The following NRXN3 variants were observed in gnomAD, a reference collection of about 807,000 sequenced individuals.
NRXN3 encodes neurexin 3.
NRXN3 carries 32 observed loss-of-function variants against 137.6 expected under a neutral mutation model. The ratio of observed to expected loss-of-function variants is 0.23; its 90% CI spans 0.18 to 0.31. NRXN3 has a LOEUF of 0.31. Ranked by LOEUF, NRXN3 falls within the 10% of genes least tolerant of loss-of-function variation. NRXN3 has a pLI of 1.00. For missense variants in NRXN3, 1,574 were observed against 2,062.5 expected, an observed-to-expected ratio of 0.76 and a Z score of 4.59; for synonymous variants, 798 against 784.5, an observed-to-expected ratio of 1.02 and a Z score of -0.29.
intron 4 of NRXN3, among the ~76,000 whole-genome samples, chr14:78,587,531 A>G (rs112495125): frequency 1.3e-5 from 2 of 152,192 alleles, no homozygotes; most frequent in African/African-American, 4.8e-5. Flanking sequence ...CTTCCAGGCG[A>G]TTCTGATTAT....
rs375358757 is a variant in NRXN3 at position 79,605,335 on chromosome 14, A to G, written c.3445-58443A>G. Among the ~76,000 whole-genome samples, 5 of 152,258 alleles carry G rather than the reference A, an allele frequency of 3.3e-5. No homozygotes were observed. In the South Asian group the frequency reaches 6.2e-4, roughly 19 times the overall value. ...TATGATCACACACTATTTTCATCAG[A>G]AATTTTAATAAAATTATTTTTTTCT... is the stretch of plus-strand genomic sequence containing the variant. On this transcript the variant is annotated intron_variant, in intron 16 of 20. Coordinates refer to ENST00000335750, the MANE Select transcript of NRXN3 (RefSeq NM_001330195.2).
intron 16 of NRXN3, among the ~76,000 whole-genome samples, chr14:79,614,733 CT>C (rs35303931): frequency 0.39 from 58,454 of 151,638 alleles, 15,531 homozygotes; most frequent in African/African-American, 0.76. Flanking sequence ...AGCAAGTAGA[CT>C]AGACTGTATT....
At chr14:78,434,304 G>T (rs909612042) in intron 4 of NRXN3, among the ~76,000 whole-genome samples, 5 of 152,124 alleles carry the variant, frequency 3.3e-5, no homozygotes, top group Non-Finnish European at 5.9e-5. Context: ...GTGAGGGAGG[G>T]ATCTGTTCCA....
chr14:78,393,930 T>G (rs954892482), intron 4 of NRXN3, among the ~76,000 whole-genome samples: 2 of 152,010 alleles, frequency 1.3e-5, no homozygotes, highest in Admixed American at 6.6e-5. Flanking sequence ...CAACAGACTT[T>G]TGTACGTTTA....
intron 15 of NRXN3, among the ~76,000 whole-genome samples, chr14:79,111,904 GTTAATCTATT>G (rs1371858554): frequency 6.6e-6 from 1 of 152,062 alleles, no homozygotes; most frequent in African/African-American, 2.4e-5. Flanking sequence ...ATACTAATAA[GTTAATCTATT>G]GTTCTCAACA....
At chr14:78,867,871 T>C (rs2099091152) in intron 10 of NRXN3, among the ~76,000 whole-genome samples, 1 of 151,712 alleles carries the variant, frequency 6.6e-6, no homozygotes. Flanking sequence ...TTCTGAAGGC[T>C]CCTGTGTATA....
chr14:79,307,532 T>C (rs2086303826), intron 15 of NRXN3, among the ~76,000 whole-genome samples: 1 of 152,108 alleles, frequency 6.6e-6, no homozygotes, highest in South Asian at 2.1e-4. Context: ...AGGAGCAGCC[T>C]AGCTGGGCTC....
chr14:78,721,347 C>A (rs1595152731), intron 8 of NRXN3, among the ~76,000 whole-genome samples: 2 of 152,106 alleles, frequency 1.3e-5, no homozygotes, highest in Admixed American at 1.3e-4. Flanking sequence ...AATGTCTGAC[C>A]TGGAGATGGA....
chr14:78,794,677 C>T (rs910685202), intron 8 of NRXN3, among the ~76,000 whole-genome samples: 10 of 151,420 alleles, frequency 6.6e-5, no homozygotes, highest in Non-Finnish European at 1.3e-4. Context: ...AGAAATATGC[C>T]TCTCTACTGT....
chr14:78,431,146 G>A lies in NRXN3; in HGVS notation c.757+133286G>A, dbSNP rs376192304. ...GGAGGCCTCTGAAGCAGACCAGCAA[G>A]GCAGCCTGTGTATTTCCCCTAGGTG... is the stretch of plus-strand genomic sequence containing the variant. On this transcript the variant is annotated intron_variant, in intron 4 of 20. Transcript: ENST00000335750. Among the ~76,000 whole-genome samples the A allele has an allele frequency of 5.2e-4, 79 of 152,316 alleles. No homozygotes were observed. The Middle Eastern group carries it at 0.02, about 39-fold the overall frequency.
intron 10 of NRXN3, among the ~76,000 whole-genome samples, chr14:78,829,893 C>A (rs1179840826): frequency 6.6e-6 from 1 of 152,012 alleles, no homozygotes; most frequent in African/African-American, 2.4e-5. Context: ...AGTGTCTTGC[C>A]TTAAAAGACA....
At chr14:79,687,092 T>C (rs183266526) in intron 17 of NRXN3, among the ~76,000 whole-genome samples, 432 of 152,292 alleles carry the variant, frequency 2.8e-3, no homozygotes, top group African/African-American at 9.8e-3. Flanking sequence ...TCACAACATA[T>C]AAATAGTTCT....
chr14:79,178,399 G>C lies in NRXN3; in HGVS notation c.3262+190258G>C, dbSNP rs562786773. On this transcript the variant is annotated intron_variant, in intron 15 of 20. Coordinates refer to ENST00000335750, the MANE Select transcript of NRXN3 (RefSeq NM_001330195.2). ...TACCATTTTATTAGCCTACTATTGT[G>C]GAAGTTGAAACTCTATTATATTCAC... 3.1e-3 allele frequency among the ~76,000 whole-genome samples: 467 copies of C among 152,012 alleles called. 1 individual carries two copies. Among genetic ancestry groups the C allele is most frequent in the African/African-American group, 0.011 (452 of 41,426 alleles).
chr14:78,974,201 C>T (rs1356444643), intron 14 of NRXN3, among the ~76,000 whole-genome samples: 1 of 152,128 alleles, frequency 6.6e-6, no homozygotes, highest in African/African-American at 2.4e-5. Flanking sequence ...GAAAGATCCA[C>T]TATGTATTTC....
chr14:79,361,649 A>G lies in NRXN3; in HGVS notation c.3263-105572A>G, dbSNP rs149997686. The stretch of plus-strand genomic sequence containing the variant: ...GGAGAATCACTTGAACCCAGGAGGC[A>G]GAGGTTGCAGTGAGCTGAAATCACG... On this transcript the variant is annotated intron_variant, in intron 15 of 20. Transcript: ENST00000335750. Among the ~76,000 whole-genome samples, 981 of 152,268 alleles carry G rather than the reference A, an allele frequency of 6.4e-3. 8 individuals carry two copies. The highest frequency in any genetic ancestry group is 0.023 in the African/African-American group (938 of 41,566).
At chr14:78,990,082 A>G (rs1395750945) in intron 15 of NRXN3, among the ~76,000 whole-genome samples, 1 of 152,200 alleles carries the variant, frequency 6.6e-6, no homozygotes, top group Non-Finnish European at 1.5e-5. Context: ...ATTTGTTGGG[A>G]TATAATGAAG....
chr14:78,796,644 A>G (rs1475065475), intron 8 of NRXN3, among the ~76,000 whole-genome samples: 1 of 152,170 alleles, frequency 6.6e-6, no homozygotes, highest in Non-Finnish European at 1.5e-5. Flanking sequence ...CCCTGAGGGT[A>G]TGGAAAGTTG....
intron 16 of NRXN3, among the ~76,000 whole-genome samples, chr14:79,479,913 T>A (rs767095426): frequency 2.6e-5 from 4 of 152,132 alleles, no homozygotes; most frequent in Non-Finnish European, 5.9e-5. Flanking sequence ...CCAAATTTAG[T>A]GTATCAAAGA....
intron 20 of NRXN3, among the ~76,000 whole-genome samples, chr14:79,844,955 C>G (rs1359407186): frequency 1.3e-5 from 2 of 152,192 alleles, no homozygotes; most frequent in Non-Finnish European, 2.9e-5. Context: ...CCACTTTGAT[C>G]AGTTATCTTA....
Sources: gnomAD v4.1 joint callset for allele counts (sites outside exome capture counted in the v4.1 genomes callset) on GRCh38, gnomAD v4.1.1 for gene constraint, MANE v1.5 for transcripts, NCBI Gene and HGNC (gene_info 2026-07-23, HGNC 2026-07-21) for gene names.